Variants in KCTD16 observed in about 807,000 individuals in gnomAD.
KCTD16 encodes potassium channel tetramerization domain containing 16, also known as BTB/POZ domain-containing protein KCTD16.
Under a neutral mutation model 33.2 loss-of-function variants are expected in KCTD16, and 13 were observed. The ratio of observed to expected loss-of-function variants is 0.39; its 90% CI spans 0.25 to 0.62. The LOEUF (loss-of-function observed/expected upper bound fraction) is 0.62. Among genes scored for constraint, KCTD16 ranks in the 20% least tolerant of loss-of-function variants. KCTD16 has a pLI of 0.50. For missense variants in KCTD16, 441 were observed against 525.1 expected (o/e 0.84, Z 1.57); for synonymous variants, 197 against 195.3 (o/e 1.01, Z -0.07).
chr5:144,408,736 C>T (rs1752867337), intron 3 of KCTD16, among the ~76,000 whole-genome samples: 1 of 152,174 alleles, frequency 6.6e-6, no homozygotes, highest in Admixed American at 6.5e-5. Flanking sequence ...ATCGCTCCTG[C>T]CTGTGACTCC....
intron 2 of KCTD16, among the ~76,000 whole-genome samples, chr5:144,202,148 C>CT (rs1753058018): frequency 6.6e-6 from 1 of 152,224 alleles, no homozygotes; most frequent in Non-Finnish European, 1.5e-5. Context: ...TGCTCTTCCT[C>CT]TAAGAGAAAT....
intron 3 of KCTD16, among the ~76,000 whole-genome samples, chr5:144,246,751 T>C (rs976947576): frequency 2.0e-5 from 3 of 152,140 alleles, no homozygotes; most frequent in East Asian, 1.9e-4. Flanking sequence ...TCCTCCTCCT[T>C]CTTCTTCATC....
intron 3 of KCTD16, among the ~76,000 whole-genome samples, chr5:144,382,860 A>G (rs557528649): frequency 4.6e-5 from 7 of 152,316 alleles, no homozygotes; most frequent in African/African-American, 1.7e-4. Context: ...AAACAAGACC[A>G]TGGCAGTAAT....
At chr5:144,251,122 C>T (rs186694294) in intron 3 of KCTD16, among the ~76,000 whole-genome samples, 2 of 152,036 alleles carry the variant, frequency 1.3e-5, no homozygotes, top group Admixed American at 1.3e-4. Flanking sequence ...GTAGAGAAGT[C>T]CTGAAATATA....
At chr5:144,448,895 G>A (rs922183244) in intron 3 of KCTD16, among the ~76,000 whole-genome samples, 1 of 151,812 alleles carries the variant, frequency 6.6e-6, no homozygotes, top group South Asian at 2.1e-4. Flanking sequence ...ATAAACTTTT[G>A]GTACAATCAA....
Position 144,206,552 on chromosome 5 carries a change from T to G in KCTD16, c.-163T>G, listed in dbSNP as rs181571104. 1.6e-6 allele frequency: 1 copy of G among 639,882 alleles called. No homozygotes were observed. Among genetic ancestry groups the G allele is most frequent in the African/African-American group, 1.8e-5 (1 of 54,496 alleles). 39.6% of individuals were successfully genotyped at this position (639,882 alleles called of 1,614,324 possible). A position where few individuals can be genotyped will look rare whatever the true frequency, so the allele number is the denominator to read the frequency against. ...GCATCACTTCACCTGTGGACTCTTATACATTTTGATTTCTTGGGGGAAAAA... is the reference window on the plus strand; with the variant it reads ...GCATCACTTCACCTGTGGACTCTTAGACATTTTGATTTCTTGGGGGAAAAA... On this transcript the variant is annotated 5_prime_UTR_variant, in exon 3 of 4. Transcript: ENST00000512467.
At chr5:144,253,532 G>C (rs1046398990) in intron 3 of KCTD16, among the ~76,000 whole-genome samples, 3 of 152,142 alleles carry the variant, frequency 2.0e-5, no homozygotes, top group African/African-American at 7.2e-5. Context: ...TCAAATATAA[G>C]GACTAGCTTT....
At chr5:144,404,760 T>C (rs1318954094) in intron 3 of KCTD16, among the ~76,000 whole-genome samples, 1 of 152,174 alleles carries the variant, frequency 6.6e-6, no homozygotes, top group African/African-American at 2.4e-5. Flanking sequence ...GCAGGTTTGC[T>C]TGGTGGGGAA....
intron 2 of KCTD16, among the ~76,000 whole-genome samples, chr5:144,177,002 T>G (rs756642902): frequency 6.6e-6 from 1 of 152,222 alleles, no homozygotes; most frequent in Non-Finnish European, 1.5e-5. Flanking sequence ...GGTTGTTTAC[T>G]TTTGCTGTGC....
At chr5:144,408,452 A>G (rs559368879) in intron 3 of KCTD16, among the ~76,000 whole-genome samples, 2 of 152,338 alleles carry the variant, frequency 1.3e-5, no homozygotes, top group Non-Finnish European at 2.9e-5. Context: ...ATAAATTTTC[A>G]CACAAGTATA....
chr5:144,257,219 G>A (rs1326639619), intron 3 of KCTD16, among the ~76,000 whole-genome samples: 2 of 152,042 alleles, frequency 1.3e-5, no homozygotes, highest in African/African-American at 4.8e-5. Context: ...TGAAATCTAG[G>A]ACTCATTTTT....
At chr5:144,203,643 G>A (rs1268267264) in intron 2 of KCTD16, among the ~76,000 whole-genome samples, 2 of 152,170 alleles carry the variant, frequency 1.3e-5, no homozygotes, top group African/African-American at 4.8e-5. Context: ...TCCCTGCAGT[G>A]TTTTCATACC....
intron 3 of KCTD16, among the ~76,000 whole-genome samples, chr5:144,461,152 C>T (rs4912974): frequency 6.6e-5 from 10 of 151,922 alleles, no homozygotes; most frequent in Non-Finnish European, 1.0e-4. Context: ...TTTCTGTTTT[C>T]CACCGGGCTG....
chr5:144,218,063 C>T (rs932652906), intron 3 of KCTD16, among the ~76,000 whole-genome samples: 21 of 152,288 alleles, frequency 1.4e-4, no homozygotes, highest in African/African-American at 5.1e-4. Context: ...CAACATCCAC[C>T]ACATGCAGTG....
chr5:144,327,230 A>G (rs900003297), intron 3 of KCTD16, among the ~76,000 whole-genome samples: 1 of 152,122 alleles, frequency 6.6e-6, no homozygotes, highest in African/African-American at 2.4e-5. Context: ...CTAGTGATCT[A>G]TGGAATTTGG....
At chr5:144,370,987 CA>C (rs1263125911) in intron 3 of KCTD16, among the ~76,000 whole-genome samples, 3 of 151,888 alleles carry the variant, frequency 2.0e-5, no homozygotes, top group Non-Finnish European at 4.4e-5. Context: ...AAAATGAGAC[CA>C]GTCCATTTCC....
chr5:144,320,393 A>G (rs1175949076), intron 3 of KCTD16, among the ~76,000 whole-genome samples: 1 of 152,214 alleles, frequency 6.6e-6, no homozygotes, highest in Admixed American at 6.6e-5. Flanking sequence ...GCAAAGAAAG[A>G]AAAGCTCTTT....
chr5:144,345,975 G>A (rs1234022378), intron 3 of KCTD16, among the ~76,000 whole-genome samples: 1 of 129,722 alleles, frequency 7.7e-6, no homozygotes, highest in Non-Finnish European at 1.7e-5. Context: ...TTTTGTAGCT[G>A]TTAACTACCT....
intron 3 of KCTD16, among the ~76,000 whole-genome samples, chr5:144,269,378 T>C (rs1035295932): frequency 3.3e-5 from 5 of 152,036 alleles, no homozygotes; most frequent in African/African-American, 9.7e-5. Context: ...GGACCCTCCA[T>C]ATGATTATCA....
Sources: gnomAD v4.1 joint callset for allele counts (sites outside exome capture counted in the v4.1 genomes callset) on GRCh38, gnomAD v4.1.1 for gene constraint, MANE v1.5 for transcripts, NCBI Gene and HGNC (gene_info 2026-07-23, HGNC 2026-07-21) for gene names.